LINGO2: variants seen among roughly 807,000 people sequenced by gnomAD.
The protein encoded by LINGO2 is leucine rich repeat and Ig domain containing 2.
LINGO2 carries 14 observed loss-of-function variants against 30.6 expected under a neutral mutation model. The ratio of observed to expected loss-of-function variants is 0.46; its 90% CI spans 0.30 to 0.72. LINGO2 has a LOEUF of 0.72. LINGO2 is among the 30% of genes least tolerant of loss of function. The pLI, the probability that LINGO2 is intolerant of heterozygous loss-of-function variation, is 0.07. For missense variants in LINGO2, 729 were observed against 751.7 expected, an observed-to-expected ratio of 0.97 and a Z score of 0.35; for synonymous variants, 317 against 288.5, an observed-to-expected ratio of 1.10 and a Z score of -1.00.
At chr9:28,740,433 A>G in the LINGO2 span, among the ~76,000 whole-genome samples, 1 of 151,862 alleles carries the variant, frequency 6.6e-6, no homozygotes, top group Non-Finnish European at 1.5e-5. Flanking sequence ...GAGTCAGTTG[A>G]CAGAAACATA....
At chr9:28,891,338 T>C in the LINGO2 span, among the ~76,000 whole-genome samples, 2 of 151,980 alleles carry the variant, frequency 1.3e-5, no homozygotes, top group Non-Finnish European at 2.9e-5. Flanking sequence ...ACCTATCTCA[T>C]AGTATTTTAT....
intron 4 of LINGO2, among the ~76,000 whole-genome samples, chr9:28,126,635 G>A (rs1275570819): frequency 6.6e-6 from 1 of 152,244 alleles, no homozygotes; most frequent in Non-Finnish European, 1.5e-5. Flanking sequence ...CAAAGAAACA[G>A]GCAATCATAC....
At chr9:28,226,460 C>T (rs895956424) in intron 4 of LINGO2, among the ~76,000 whole-genome samples, 2 of 151,896 alleles carry the variant, frequency 1.3e-5, no homozygotes, top group African/African-American at 2.4e-5. Flanking sequence ...CATTTGCACG[C>T]TTTTTTCTCT....
At chr9:28,916,639 C>T in the LINGO2 span, among the ~76,000 whole-genome samples, 1 of 152,162 alleles carries the variant, frequency 6.6e-6, no homozygotes, top group Non-Finnish European at 1.5e-5. Context: ...AGCCAATGTA[C>T]CATCCATGTA....
chr9:28,164,456 T>G (rs908759283), intron 4 of LINGO2, among the ~76,000 whole-genome samples: 6 of 152,146 alleles, frequency 3.9e-5, no homozygotes, highest in Admixed American at 3.3e-4. Flanking sequence ...ATCTCCATCT[T>G]AGAGATAAAA....
chr9:29,064,561 C>G, the LINGO2 span, among the ~76,000 whole-genome samples: 1 of 151,950 alleles, frequency 6.6e-6, no homozygotes, highest in Non-Finnish European at 1.5e-5. Flanking sequence ...TTTAAGATAA[C>G]ACTCCTCTAA....
chr9:28,455,055 T>G (rs554456308), intron 2 of LINGO2, among the ~76,000 whole-genome samples: 26 of 152,160 alleles, frequency 1.7e-4, no homozygotes, highest in Non-Finnish European at 3.5e-4. Context: ...TTCTTTTAGA[T>G]CCCTTCACTC....
At chr9:28,504,528 T>G (rs1820023943) in intron 1 of LINGO2, among the ~76,000 whole-genome samples, 1 of 151,870 alleles carries the variant, frequency 6.6e-6, no homozygotes, top group South Asian at 2.1e-4. Context: ...GGCACAATTC[T>G]AACATGATTG....
intron 5 of LINGO2, among the ~76,000 whole-genome samples, chr9:28,007,515 CTTATCT>C (rs1400565094): frequency 1.3e-5 from 2 of 152,142 alleles, no homozygotes; most frequent in Non-Finnish European, 2.9e-5. Flanking sequence ...AATAACCTCA[CTTATCT>C]TTATTTCTGA....
chr9:28,144,059 C>T (rs192088046), intron 4 of LINGO2, among the ~76,000 whole-genome samples: 12 of 151,690 alleles, frequency 7.9e-5, no homozygotes, highest in Admixed American at 5.9e-4. Context: ...CAGGTAGGTA[C>T]GTAGGCAGAC....
chr9:28,737,444 A>ACTAAGTCTTG, the LINGO2 span, among the ~76,000 whole-genome samples: 1 of 152,224 alleles, frequency 6.6e-6, no homozygotes, highest in Non-Finnish European at 1.5e-5. Context: ...ATGGCTTGTT[A>ACTAAGTCTTG]CATGATATTA....
At chr9:28,557,855 A>T (rs1320540280) in intron 1 of LINGO2, among the ~76,000 whole-genome samples, 1 of 151,980 alleles carries the variant, frequency 6.6e-6, no homozygotes, top group East Asian at 1.9e-4. Context: ...AGGGACATGG[A>T]TGAAGCTGGA....
At position 28,585,705 on chromosome 9, in the gene LINGO2, A is replaced by C. The variant is rs1318008149; in HGVS notation, c.-365+84495T>G. Among the ~76,000 whole-genome samples the C allele has an allele frequency of 3.3e-5, 5 of 152,030 alleles. No individual in the cohort carries two copies. In the East Asian group the frequency reaches 5.8e-4, roughly 18 times the overall value. On this transcript the variant is annotated intron_variant, in intron 1 of 5. Transcript: ENST00000379992. Reference sequence around the variant, plus strand: ...AATATTTTCAGTTTAGGATGAGTTGATCAGGAATTAACCTCGTCGTAAGTT... The same window carrying C: ...AATATTTTCAGTTTAGGATGAGTTGCTCAGGAATTAACCTCGTCGTAAGTT...
the LINGO2 span, among the ~76,000 whole-genome samples, chr9:28,866,461 T>C: frequency 1.3e-5 from 2 of 152,048 alleles, no homozygotes; most frequent in Non-Finnish European, 2.9e-5. Context: ...TACAAAGTGA[T>C]TCTGAATCTG....
intron 2 of LINGO2, among the ~76,000 whole-genome samples, chr9:28,378,819 A>G (rs1459925697): frequency 1.3e-5 from 2 of 152,174 alleles, no homozygotes; most frequent in Non-Finnish European, 2.9e-5. Flanking sequence ...ATGCAAGTAC[A>G]CCTGACACTG....
chr9:28,600,906 C>A (rs1244164044), intron 1 of LINGO2, among the ~76,000 whole-genome samples: 1 of 152,096 alleles, frequency 6.6e-6, no homozygotes, highest in Admixed American at 6.6e-5. Flanking sequence ...ACACCTTCCA[C>A]ATGGTAGATC....
chr9:28,347,811 G>C (rs969737468), intron 3 of LINGO2, among the ~76,000 whole-genome samples: 2 of 152,178 alleles, frequency 1.3e-5, no homozygotes, highest in Admixed American at 6.5e-5. Flanking sequence ...TGGGAAGACA[G>C]ACACTGACCA....
At chr9:29,192,914 G>T in the LINGO2 span, among the ~76,000 whole-genome samples, 3 of 152,180 alleles carry the variant, frequency 2.0e-5, no homozygotes, top group Admixed American at 2.0e-4. Context: ...ACTATGCGGT[G>T]CCCCATTACA....
chr9:28,388,964 G>T (rs1208815694), intron 2 of LINGO2, among the ~76,000 whole-genome samples: 1 of 152,050 alleles, frequency 6.6e-6, no homozygotes, highest in Non-Finnish European at 1.5e-5. Flanking sequence ...CCATAAATGA[G>T]AACCTACTTG....
Sources: gnomAD v4.1 joint callset for allele counts (sites outside exome capture counted in the v4.1 genomes callset) on GRCh38, gnomAD v4.1.1 for gene constraint, MANE v1.5 for transcripts, NCBI Gene and HGNC (gene_info 2026-07-23, HGNC 2026-07-21) for gene names.